The following TENM2 variants were observed in gnomAD, a reference collection of about 807,000 sequenced individuals.
TENM2 encodes the protein teneurin-2.
In TENM2, 52 loss-of-function variants were observed where a neutral mutation model predicts 245.2. The observed-to-expected ratio is 0.21, with a 90% CI of 0.17 to 0.27. The LOEUF is 0.27. TENM2 is among the 10% of genes least tolerant of loss of function. The probability of loss-of-function intolerance (pLI) is 1.00; values close to 1 mark genes in which losing one functional copy is unlikely to be tolerated. For missense variants in TENM2, 3,046 were observed against 3,666.8 expected, an observed-to-expected ratio of 0.83 and a Z score of 4.37; for synonymous variants, 1,363 against 1,438.9, an observed-to-expected ratio of 0.95 and a Z score of 1.19.
intron 2 of TENM2, among the ~76,000 whole-genome samples, chr5:167,826,014 G>A (rs528135199): frequency 2.0e-5 from 3 of 151,964 alleles, no homozygotes; most frequent in South Asian, 2.1e-4. Flanking sequence ...AGCCCAACAC[G>A]TCGTGTACCT....
intron 27 of TENM2, among the ~76,000 whole-genome samples, chr5:168,256,454 C>G (rs1170774316): frequency 7.3e-6 from 1 of 137,906 alleles, no homozygotes. Flanking sequence ...GAGACGGAGT[C>G]TTGCTCTGTT....
chr5:167,929,071 AAG>A (rs1178438167), intron 3 of TENM2, among the ~76,000 whole-genome samples: 3 of 35,286 alleles, frequency 8.5e-5, no homozygotes, highest in African/African-American at 4.5e-4. Flanking sequence ...GAAAGAAAGA[AAG>A]AAAGAAAGAA....
chr5:167,081,490 T>A, the TENM2 span, among the ~76,000 whole-genome samples: 1 of 152,148 alleles, frequency 6.6e-6, no homozygotes, highest in African/African-American at 2.4e-5. Context: ...GAAGAACTAG[T>A]TGGTTCTTTA....
chr5:167,569,036 C>T (rs750175582), intron 2 of TENM2, among the ~76,000 whole-genome samples: 3 of 143,938 alleles, frequency 2.1e-5, no homozygotes, highest in Non-Finnish European at 3.0e-5. Flanking sequence ...ATGTAAATGC[C>T]AAGTATGAGG....
At chr5:167,697,957 G>A (rs921551341) in intron 2 of TENM2, among the ~76,000 whole-genome samples, 21 of 152,182 alleles carry the variant, frequency 1.4e-4, no homozygotes, top group South Asian at 2.1e-4. Context: ...AAATATAATC[G>A]CCTGACAAGG....
intron 2 of TENM2, among the ~76,000 whole-genome samples, chr5:167,668,811 G>A (rs2150344627): frequency 6.6e-6 from 1 of 152,150 alleles, no homozygotes; most frequent in Admixed American, 6.5e-5. Flanking sequence ...AAAATTAGCT[G>A]GGTGTGGTGG....
At chr5:167,166,326 A>G in the TENM2 span, among the ~76,000 whole-genome samples, 1 of 152,192 alleles carries the variant, frequency 6.6e-6, no homozygotes, top group African/African-American at 2.4e-5. Context: ...CTGAGAGTCA[A>G]TGCCTACATA....
At chr5:167,123,561 T>C in the TENM2 span, among the ~76,000 whole-genome samples, 1 of 152,204 alleles carries the variant, frequency 6.6e-6, no homozygotes, top group African/African-American at 2.4e-5. Context: ...AAATGAACCT[T>C]CATAAACTTT....
chr5:168,134,579 CA>C (rs1282524947), intron 12 of TENM2, among the ~76,000 whole-genome samples: 2 of 152,104 alleles, frequency 1.3e-5, no homozygotes, highest in African/African-American at 4.8e-5. Flanking sequence ...CCTAGCTACT[CA>C]GGAGGCTGAG....
the TENM2 span, among the ~76,000 whole-genome samples, chr5:167,278,463 T>C: frequency 5.3e-5 from 8 of 152,210 alleles, no homozygotes; most frequent in African/African-American, 1.7e-4. Flanking sequence ...CTTTTATTTT[T>C]AATTTTCTTT....
intron 2 of TENM2, among the ~76,000 whole-genome samples, chr5:167,519,989 A>C (rs1770646108): frequency 6.6e-6 from 1 of 152,198 alleles, no homozygotes; most frequent in Non-Finnish European, 1.5e-5. Flanking sequence ...ACATTCTAAA[A>C]CTGAAGAATC....
chr5:168,165,433 G>T (rs574189510), intron 13 of TENM2, among the ~76,000 whole-genome samples: 3 of 152,130 alleles, frequency 2.0e-5, no homozygotes, highest in East Asian at 3.9e-4. Flanking sequence ...ATAACAAATG[G>T]CTGGAATGCC....
chr5:167,238,172 T>C, the TENM2 span, among the ~76,000 whole-genome samples: 1 of 152,176 alleles, frequency 6.6e-6, no homozygotes. Flanking sequence ...GTTTATATTT[T>C]CCATAAGAGC....
At chr5:168,181,827 C>T (rs1309999734) in intron 13 of TENM2, among the ~76,000 whole-genome samples, 1 of 151,892 alleles carries the variant, frequency 6.6e-6, no homozygotes, top group East Asian at 1.9e-4. Flanking sequence ...CAGGTGTGCA[C>T]CACCACACCC....
At chr5:168,097,457 C>CTCTGTCACCCAGGCTG (rs1222278637) in intron 8 of TENM2, among the ~76,000 whole-genome samples, 3 of 152,154 alleles carry the variant, frequency 2.0e-5, no homozygotes, top group African/African-American at 7.2e-5. Flanking sequence ...TTGAGTCTCG[C>CTCTGTCACCCAGGCTG]TCTGTCACCC....
intron 2 of TENM2, among the ~76,000 whole-genome samples, chr5:167,383,568 T>A (rs979867187): frequency 6.6e-6 from 1 of 151,964 alleles, no homozygotes; most frequent in Non-Finnish European, 1.5e-5. Flanking sequence ...CCAACTTTCG[T>A]CTTTCCCCCA....
At chr5:167,611,638 T>C (rs1777485348) in intron 2 of TENM2, among the ~76,000 whole-genome samples, 1 of 152,178 alleles carries the variant, frequency 6.6e-6, no homozygotes, top group African/African-American at 2.4e-5. Flanking sequence ...CACAATGCCA[T>C]AAACTAAGTA....
intron 2 of TENM2, among the ~76,000 whole-genome samples, chr5:167,624,931 C>T (rs937501074): frequency 1.3e-5 from 2 of 152,208 alleles, no homozygotes; most frequent in Non-Finnish European, 2.9e-5. Flanking sequence ...GATACCCATT[C>T]TGTTTCATTA....
intron 6 of TENM2, among the ~76,000 whole-genome samples, chr5:168,050,296 C>A (rs1788962249): frequency 6.6e-6 from 1 of 152,286 alleles, no homozygotes; most frequent in Non-Finnish European, 1.5e-5. Flanking sequence ...TTCTCTCACC[C>A]ATGCCTATTT....
Sources: allele counts gnomAD v4.1 joint callset (sites outside exome capture counted in the v4.1 genomes callset), GRCh38; gene constraint gnomAD v4.1.1; transcripts MANE v1.5; gene names NCBI Gene and HGNC (gene_info 2026-07-23, HGNC 2026-07-21).